Variants in IP6K3 observed in about 807,000 individuals in gnomAD.
IP6K3 encodes the protein inositol hexakisphosphate kinase 3, also known as ATP:1D-myo-inositol-hexakisphosphate phosphotransferase.
A neutral mutation model predicts 28.8 loss-of-function variants in IP6K3; 20 were observed. That is an observed-to-expected ratio of 0.70 (90% CI 0.49 to 1.01). IP6K3 has a LOEUF of 1.01. IP6K3 is among the 50% of genes least tolerant of loss of function. The pLI, the probability that IP6K3 is intolerant of heterozygous loss-of-function variation, is 0.00. For missense variants in IP6K3, 480 were observed against 537.1 expected, an observed-to-expected ratio of 0.89 and a Z score of 1.05; for synonymous variants, 213 against 221.3, an observed-to-expected ratio of 0.96 and a Z score of 0.33.
Position 33,726,833 on chromosome 6 carries a change from C to T in IP6K3, c.487G>A (p.Gly163Arg), listed in dbSNP as rs149733024. 3.7e-5 allele frequency: 60 copies of T among 1,613,422 alleles called. No homozygotes were observed. Among genetic ancestry groups the T allele is most frequent in the African/African-American group, 5.3e-5 (4 of 74,910 alleles). Residue 163 changes from glycine to arginine, a missense_variant, in exon 4 of 6, where the codon GGA (glycine) becomes AGA (arginine). Coordinates refer to ENST00000293756, the MANE Select transcript of IP6K3 (RefSeq NM_054111.5). ...PAFSLVEDTN[G>R]NQVERKSFNP... ...AAGCTCTTCCTCTCAACCTGGTTTC[C>T]GTTGGTGTCTTCCACCAGCGAGAAG... is the stretch of plus-strand genomic sequence containing the variant.
At chr6:33,745,746 A>G (rs1180568178) in intron 1 of IP6K3, among the ~76,000 whole-genome samples, 1 of 152,144 alleles carries the variant, frequency 6.6e-6, no homozygotes, top group Non-Finnish European at 1.5e-5. Context: ...TTCATTTGTT[A>G]GTGGACAGTG....
chr6:33,734,028 C>T (rs368128028), intron 2 of IP6K3, among the ~76,000 whole-genome samples: 3 of 152,240 alleles, frequency 2.0e-5, no homozygotes, highest in East Asian at 1.9e-4. Context: ...CATGGAGAAA[C>T]CCCGTCTCTA....
At chr6:33,754,711 C>G in the IP6K3 span, among the ~76,000 whole-genome samples, 197 of 152,270 alleles carry the variant, frequency 1.3e-3, no homozygotes, top group African/African-American at 4.5e-3. Context: ...AGGAAGGCCC[C>G]GGAGGCTGCT....
chr6:33,728,136 T>A lies in IP6K3; in HGVS notation c.364A>T (p.Thr122Ser), dbSNP rs1232541219. ...TGGGCATGCGGCCACTGGGCAAGGG[T>A]GCAGTCGCTGCCATTGCTGCCGGTG... The part of the protein sequence containing the change: ...QTTGSNGSDC[T>S]LAQWPHAQLA... The change falls in exon 3 of 6, where the codon ACC becomes TCC. Residue 122 changes from threonine (T) to serine (S), a missense_variant. Physicochemically the swap from Thr to Ser is moderately conservative, Grantham distance 58. Coordinates refer to ENST00000293756, the MANE Select transcript of IP6K3 (RefSeq NM_054111.5). 6.2e-7 allele frequency: 1 copy of A among 1,609,936 alleles called. No individual in the cohort carries two copies. The highest frequency in any genetic ancestry group is 2.2e-5 in the East Asian group (1 of 44,888).
At chr6:33,761,955 AG>A in the IP6K3 span, among the ~76,000 whole-genome samples, 6 of 152,060 alleles carry the variant, frequency 3.9e-5, no homozygotes, top group African/African-American at 1.4e-4. Flanking sequence ...GGCACTCAGA[AG>A]GGGAAGAAGA....
chr6:33,728,238 C>T lies in IP6K3; in HGVS notation c.262G>A (p.Val88Met). ...TGHLSLVANP[V>M]KESQEPFKVS... Reference sequence around the variant, plus strand: ...TTGAAGGGCTCCTGGCTCTCCTTCACTGGGTTGGCAACCAAGCTGAGATGG... The same window carrying T: ...TTGAAGGGCTCCTGGCTCTCCTTCATTGGGTTGGCAACCAAGCTGAGATGG... The change falls in exon 3 of 6, where the codon GTG becomes ATG. Residue 88 changes from valine (V) to methionine (M), a missense_variant. Physicochemically the swap from Val to Met is conservative, Grantham distance 21. Transcript: ENST00000293756. 1.2e-6 allele frequency: 2 copies of T among 1,614,186 alleles called. No homozygotes were observed. Among genetic ancestry groups the T allele is most frequent in the Non-Finnish European group, 1.7e-6 (2 of 1,180,014 alleles).
upstream of IP6K3, among the ~76,000 whole-genome samples, chr6:33,748,496 G>A (rs1196723105): frequency 3.3e-5 from 5 of 151,740 alleles, no homozygotes; most frequent in African/African-American, 4.9e-5. Flanking sequence ...GGCTGGGCAC[G>A]GTGGCTCACA....
intron 3 of IP6K3, chr6:33,727,733 T>A: frequency 4.2e-6 from 3 of 711,806 alleles, no homozygotes; most frequent in Non-Finnish European, 5.2e-6. Flanking sequence ...TTCCTCTACA[T>A]ACACTATTCT....
intron 2 of IP6K3, among the ~76,000 whole-genome samples, chr6:33,734,570 A>G (rs1766440843): frequency 6.6e-6 from 1 of 152,168 alleles, no homozygotes; most frequent in Non-Finnish European, 1.5e-5. Flanking sequence ...TGCCTGGCAG[A>G]GTGTGGCTGA....
At position 33,726,810 on chromosome 6, in the gene IP6K3, G is replaced by A. The variant is rs752672635; in HGVS notation, c.510C>T (p.Ser170=). Residue 170 remains serine, a synonymous_variant, in exon 4 of 6, where the codon AGC becomes AGT. Transcript: ENST00000293756. ...GGCATTGCAGGCCCCACGGGTTGAA[G>A]CTCTTCCTCTCAACCTGGTTTCCGT... ...DTNGNQVERK[S]FNPWGLQCHQ... is the part of the protein sequence containing the mutation. The A allele has an allele frequency of 6.2e-7, 1 of 1,613,474 alleles. No individual in the cohort carries two copies. Among genetic ancestry groups the A allele is most frequent in the Non-Finnish European group, 8.5e-7 (1 of 1,179,526 alleles).
chr6:33,728,448 G>A, intron 2 of IP6K3, 148 bp from the exon 3 acceptor site: 1 of 738,118 alleles, frequency 1.4e-6, no homozygotes, highest in Admixed American at 2.4e-5. Flanking sequence ...GAAGAGCTAT[G>A]GGACTGGCCT....
intron 2 of IP6K3, among the ~76,000 whole-genome samples, chr6:33,730,751 T>G (rs945750774): frequency 6.6e-6 from 1 of 152,038 alleles, no homozygotes; most frequent in Non-Finnish European, 1.5e-5. Context: ...CAAGGTCACA[T>G]GGTCGGTGTG....
intron 1 of IP6K3, among the ~76,000 whole-genome samples, chr6:33,745,729 G>GTAGT (rs961917189): frequency 1.3e-5 from 2 of 152,182 alleles, no homozygotes; most frequent in African/African-American, 2.4e-5. Context: ...ACGCTCATGG[G>GTAGT]TAGTTGTTCA....
intron 2 of IP6K3, among the ~76,000 whole-genome samples, chr6:33,728,810 A>G (rs1766218214): frequency 6.6e-6 from 1 of 152,006 alleles, no homozygotes; most frequent in African/African-American, 2.4e-5. Flanking sequence ...ACGTGTCTTT[A>G]TCGGACCTGC....
Position 33,746,336 on chromosome 6 carries a change from G to A in IP6K3, c.-180+422C>T, listed in dbSNP as rs910531428. Among the ~76,000 whole-genome samples the A allele has an allele frequency of 1.3e-5, 2 of 152,148 alleles. No homozygotes were observed. The highest frequency in any genetic ancestry group is 2.4e-5 in the African/African-American group (1 of 41,408). ...CATGCTGTTCCTGTGCCCAGGGGAT[G>A]CTGCCCGCGTTTCTTGGACACCGGC... On this transcript the variant is annotated intron_variant, in intron 1 of 5. Transcript: ENST00000293756. The surrounding 1 kb of genome is among the most constrained non-coding windows in gnomAD (Gnocchi z 6.5).
intron 2 of IP6K3, among the ~76,000 whole-genome samples, chr6:33,733,169 C>T (rs1447511290): frequency 6.6e-6 from 1 of 152,248 alleles, no homozygotes; most frequent in Non-Finnish European, 1.5e-5. Flanking sequence ...TATATAGAAA[C>T]ATCATCTCCT....
At chr6:33,750,224 T>C (rs1378428502), upstream of IP6K3, among the ~76,000 whole-genome samples, 1 of 152,212 alleles carries the variant, frequency 6.6e-6, no homozygotes, top group Non-Finnish European at 1.5e-5. The surrounding 1 kb of genome is among the most constrained non-coding windows in gnomAD (Gnocchi z 4.3). Context: ...CCTCATGTTC[T>C]CCCACATCTC....
chr6:33,746,222 C>T lies in IP6K3; in HGVS notation c.-180+536G>A, dbSNP rs1766902506. On this transcript the variant is annotated intron_variant, in intron 1 of 5. Transcript: ENST00000293756. The surrounding 1 kb of genome is among the most constrained non-coding windows in gnomAD (Gnocchi z 6.5). ...GTCTACCACCACCCTGCACCAGGCCCCAGGCAGCTGCTGTAGATGCTGATG... is the reference window on the plus strand; with the variant it reads ...GTCTACCACCACCCTGCACCAGGCCTCAGGCAGCTGCTGTAGATGCTGATG... Among the ~76,000 whole-genome samples the T allele has an allele frequency of 6.6e-6, 1 of 152,144 alleles. No homozygotes were observed. Among genetic ancestry groups the T allele is most frequent in the Non-Finnish European group, 1.5e-5 (1 of 68,018 alleles).
chr6:33,758,725 A>G, the IP6K3 span, among the ~76,000 whole-genome samples: 1 of 151,814 alleles, frequency 6.6e-6, no homozygotes, highest in African/African-American at 2.4e-5. Context: ...CAGCTTCTCA[A>G]GTAGCTGGGA....
Sources: gnomAD v4.1 joint callset for allele counts (sites outside exome capture counted in the v4.1 genomes callset) on GRCh38, gnomAD v4.1.1 for gene constraint, Gnocchi (gnomAD v3.1) non-coding constraint, MANE v1.5 for transcripts, NCBI Gene and HGNC (gene_info 2026-07-23, HGNC 2026-07-21) for gene names.